ATP2B2: variants seen among roughly 807,000 people sequenced by gnomAD.
ATP2B2 encodes plasma membrane calcium-transporting ATPase 2.
Under a neutral mutation model 120.0 loss-of-function variants are expected in ATP2B2, and 15 were observed. That is an observed-to-expected ratio of 0.12 (90% CI 0.08 to 0.19). The LOEUF (loss-of-function observed/expected upper bound fraction) is 0.19. Ranked by LOEUF, ATP2B2 falls within the 10% of genes least tolerant of loss-of-function variation. ATP2B2 has a pLI of 1.00. For missense variants in ATP2B2, 1,045 were observed against 1,719.8 expected (o/e 0.61, Z 6.94); for synonymous variants, 694 against 700.3 (o/e 0.99, Z 0.14).
In ATP2B2 at chr3:10,388,281, T is replaced by G; in HGVS notation, c.903A>C (p.Lys301Asn). 6.2e-7 allele frequency: 1 copy of G among 1,614,154 alleles called. No homozygotes were observed. ...AGGEEEEKKDKKGVKKGDGLQ... is the reference protein window; with the variant it reads ...AGGEEEEKKDNKGVKKGDGLQ... ...CTGCAAGGGGATTAGGCTTACCTTTTTTGTCTTTCTTCTCTTCCTCTTCAC... is the reference window on the plus strand; with the variant it reads ...CTGCAAGGGGATTAGGCTTACCTTTGTTGTCTTTCTTCTCTTCCTCTTCAC... The change falls in exon 6 of 23, where the codon AAA (lysine) becomes AAC (asparagine). Residue 301 changes from lysine to asparagine, a missense_variant. Lys to Asn is a moderately conservative substitution (Grantham distance 94, BLOSUM62 0). Coordinates refer to ENST00000360273, the MANE Select transcript of ATP2B2 (RefSeq NM_001001331.4).
chr3:10,379,830 G>T (rs1332124009), intron 8 of ATP2B2, among the ~76,000 whole-genome samples: 1 of 152,088 alleles, frequency 6.6e-6, no homozygotes, highest in Non-Finnish European at 1.5e-5. Context: ...GAGGAGTTTG[G>T]ACAAGGCACT....
chr3:10,449,411 T>C lies in ATP2B2; in HGVS notation c.133A>G (p.Lys45Glu), dbSNP rs1167932512. Residue 45 changes from lysine (K) to glutamate (E), a missense_variant, in exon 2 of 23, where the codon AAG becomes GAG. By Grantham distance (56) the Lys-to-Glu change is moderately conservative. Transcript: ENST00000360273. ...GTGTCCCCATAAGTCTCCTTGATCT[T>C]GACCACAGCCTCAGTGCCCCGCAGC... The part of the protein sequence containing the change: ...MELRGTEAVV[K>E]IKETYGDTEA... The C allele has an allele frequency of 2.5e-6, 4 of 1,614,152 alleles. No individual in the cohort carries two copies. The highest frequency in any genetic ancestry group is 3.4e-6 in the Non-Finnish European group (4 of 1,180,052).
chr3:10,411,490 C>T (rs186634429), intron 2 of ATP2B2, among the ~76,000 whole-genome samples: 65 of 152,322 alleles, frequency 4.3e-4, no homozygotes, highest in African/African-American at 1.4e-3. Flanking sequence ...TCCCTCCTGT[C>T]GAATGCCGCG....
intron 1 of ATP2B2, among the ~76,000 whole-genome samples, chr3:10,694,731 G>C (rs887083507): frequency 6.6e-6 from 1 of 152,096 alleles, no homozygotes; most frequent in Admixed American, 6.5e-5. Context: ...ATTGTTTGGG[G>C]ATATACATTT....
chr3:10,569,590 T>A (rs1575506946), intron 2 of ATP2B2, among the ~76,000 whole-genome samples: 1 of 152,340 alleles, frequency 6.6e-6, no homozygotes, highest in Non-Finnish European at 1.5e-5. Context: ...TCATGGATAT[T>A]AATCCTTAGG....
intron 2 of ATP2B2, among the ~76,000 whole-genome samples, chr3:10,584,424 C>T (rs1313409443): frequency 6.6e-6 from 1 of 152,098 alleles, no homozygotes; most frequent in African/African-American, 2.4e-5. Context: ...CACAAGTGTC[C>T]CCACACAACC....
intron 1 of ATP2B2, among the ~76,000 whole-genome samples, chr3:10,684,823 A>T (rs1322067356): frequency 6.6e-6 from 1 of 152,240 alleles, no homozygotes; most frequent in African/African-American, 2.4e-5. Context: ...TCCAAGGGTG[A>T]TCTTTGCCAA....
chr3:10,599,692 C>T (rs1309669566), intron 2 of ATP2B2, among the ~76,000 whole-genome samples: 1 of 151,558 alleles, frequency 6.6e-6, no homozygotes, highest in Non-Finnish European at 1.5e-5. Context: ...TTTGCCCCCA[C>T]GTATTACCTA....
At chr3:10,575,811 G>T (rs2068232313) in intron 2 of ATP2B2, among the ~76,000 whole-genome samples, 1 of 152,158 alleles carries the variant, frequency 6.6e-6, no homozygotes, top group Non-Finnish European at 1.5e-5. Context: ...TGGGAGTTTT[G>T]CCCAAATCTA....
Position 10,346,055 on chromosome 3 carries a change from C to T in ATP2B2, c.2487G>A (p.Lys829=). 6.2e-7 allele frequency: 1 copy of T among 1,612,352 alleles called. No homozygotes were observed. Among genetic ancestry groups the T allele is most frequent in the Non-Finnish European group, 8.5e-7 (1 of 1,180,006 alleles). The change falls in exon 17 of 23, where the codon AAG becomes AAA. Residue 829 remains lysine, a synonymous_variant. Coordinates refer to ENST00000360273, the MANE Select transcript of ATP2B2 (RefSeq NM_001001331.4). This position sits in a 1 kb window ranked among gnomAD's most constrained non-coding sequence, Gnocchi z 4.1. The stretch of plus-strand genomic sequence containing the variant: ...CCATGGCGAAGCCCACGTCGGCCTT[C>T]TTGAGTGCAGGCCCGTCGTTGGTCC... ...GDGTNDGPAL[K]KADVGFAMGI... is the part of the protein sequence containing the mutation.
At chr3:10,453,236 A>G (rs1224919482) in intron 1 of ATP2B2, among the ~76,000 whole-genome samples, 2 of 152,248 alleles carry the variant, frequency 1.3e-5, no homozygotes, top group East Asian at 3.8e-4. Context: ...TTATCTTACA[A>G]AAAGCAGAGG....
At chr3:10,354,372 T>C (rs1462053628) in intron 14 of ATP2B2, among the ~76,000 whole-genome samples, 1 of 152,140 alleles carries the variant, frequency 6.6e-6, no homozygotes, top group African/African-American at 2.4e-5. Context: ...TAAAAATAAA[T>C]AAATAAGTTT....
rs1334250607 is a variant in ATP2B2 at position 10,683,758 on chromosome 3, G to GTGTGTGTGTATGTA, written c.-460+24156_-460+24157insTACATACACACACA. 2.1e-4 allele frequency among the ~76,000 whole-genome samples: 7 copies of GTGTGTGTGTATGTA among 33,638 alleles called. No homozygotes were observed. The South Asian group carries it at 4.7e-3, about 23-fold the overall frequency. 22.1% of individuals were successfully genotyped at this position (33,638 alleles called of 152,430 possible). A position where few individuals can be genotyped will look rare whatever the true frequency, so the allele number is the denominator to read the frequency against. ...TATATGTGTATATATATGTGTGTGT[G>GTGTGTGTGTATGTA]TGTATATATATATATATATATATAT... On this transcript the variant is annotated intron_variant, in intron 1 of 21. Coordinates refer to the ATP2B2 transcript ENST00000646379.
rs1457985975 is a variant in ATP2B2, at chr3:10,629,309, C to A, written c.-459-9348G>T. ...CATTTTCCACCTCTGCACACGTCTA[C>A]AAATCACCGCAAAAGCACCATGAGT... On this transcript the variant is annotated intron_variant, in intron 1 of 21. Transcript: ENST00000646379. Among the ~76,000 whole-genome samples, 5 of 152,310 alleles carry A rather than the reference C, an allele frequency of 3.3e-5. No homozygotes were observed. The South Asian group carries it at 6.2e-4, about 19-fold the overall frequency.
intron 2 of ATP2B2, among the ~76,000 whole-genome samples, chr3:10,554,161 A>G (rs1047105152): frequency 6.6e-6 from 1 of 152,016 alleles, no homozygotes; most frequent in African/African-American, 2.4e-5. Flanking sequence ...ACCCTTTGTA[A>G]CCCACCTGAA....
At chr3:10,625,712 C>G (rs79095560) in intron 1 of ATP2B2, among the ~76,000 whole-genome samples, 7,421 of 152,202 alleles carry the variant, frequency 0.049, 536 homozygotes, top group African/African-American at 0.16. Flanking sequence ...TGCCCCCACA[C>G]TCAGGGACCC....
chr3:10,398,762 A>G (rs1288867577), intron 5 of ATP2B2, among the ~76,000 whole-genome samples: 1 of 152,070 alleles, frequency 6.6e-6, no homozygotes, highest in Non-Finnish European at 1.5e-5. Flanking sequence ...ACACAGCCAG[A>G]GAGCTCCCCA....
chr3:10,547,504 G>A (rs573602361), intron 2 of ATP2B2, among the ~76,000 whole-genome samples: 6 of 152,254 alleles, frequency 3.9e-5, no homozygotes, highest in East Asian at 1.9e-4. Flanking sequence ...CAACAGTAAC[G>A]ACAATGGTCG....
chr3:10,359,767 C>A, intron 13 of ATP2B2, 115 bp downstream of exon 13: 1 of 1,490,938 alleles, frequency 6.7e-7, no homozygotes, highest in Non-Finnish European at 9.2e-7. Flanking sequence ...GCCACTCCAG[C>A]CGGGCAGGCT....
Sources: gnomAD v4.1 joint callset for allele counts (sites outside exome capture counted in the v4.1 genomes callset) on GRCh38, gnomAD v4.1.1 for gene constraint, Gnocchi (gnomAD v3.1) non-coding constraint, MANE v1.5 for transcripts, NCBI Gene and HGNC (gene_info 2026-07-23, HGNC 2026-07-21) for gene names.